The following RPTOR variants were observed in gnomAD, a reference collection of about 807,000 sequenced individuals.
RPTOR encodes regulatory associated protein of MTOR complex 1.
RPTOR carries 21 observed loss-of-function variants against 169.9 expected under a neutral mutation model. The ratio of observed to expected loss-of-function variants is 0.12; its 90% CI spans 0.09 to 0.18. The LOEUF (loss-of-function observed/expected upper bound fraction) is 0.18, where lower values mean the gene tolerates loss of function less well. Ranked by LOEUF, RPTOR falls within the 10% of genes least tolerant of loss-of-function variation. RPTOR has a pLI of 1.00. For synonymous variants in RPTOR, 732 were observed against 753.2 expected (o/e 0.97, Z 0.46); for missense variants, 1,133 against 1,855.9 (o/e 0.61, Z 7.16).
chr17:80,602,397 A>G (rs1184523390), intron 1 of RPTOR, among the ~76,000 whole-genome samples: 1 of 45,548 alleles, frequency 2.2e-5, no homozygotes, highest in African/African-American at 1.5e-4. Flanking sequence ...TCCCTCCCGG[A>G]CGGGGCGGCT....
chr17:80,852,399 T>A lies in RPTOR; in HGVS notation c.1315-3065T>A, dbSNP rs1176543589. ...ACCTGAGTTCCAGGCAGCAGTGGCA[T>A]GCGACAGCCCCCGAGTTAAGCATAG... On this transcript the variant is annotated intron_variant, in intron 11 of 33. Transcript: ENST00000306801. 2.6e-5 allele frequency among the ~76,000 whole-genome samples: 4 copies of A among 152,076 alleles called. No individual in the cohort carries two copies. In the East Asian group the frequency reaches 7.7e-4, roughly 29 times the overall value.
chr17:80,614,810 G>C (rs114300030), intron 1 of RPTOR, among the ~76,000 whole-genome samples: 189 of 152,308 alleles, frequency 1.2e-3, no homozygotes, highest in African/African-American at 4.4e-3. Flanking sequence ...TTATTGTAGT[G>C]CTCGCTTTGC....
chr17:80,902,742 G>A (rs547681845), intron 20 of RPTOR, among the ~76,000 whole-genome samples: 1 of 152,354 alleles, frequency 6.6e-6, no homozygotes, highest in East Asian at 1.9e-4. Context: ...AGACACCCAT[G>A]CATGTGGCCC....
intron 9 of RPTOR, among the ~76,000 whole-genome samples, chr17:80,837,398 GC>G (rs2067576279): frequency 6.6e-6 from 1 of 152,160 alleles, no homozygotes; most frequent in Non-Finnish European, 1.5e-5. Context: ...CACCATCACA[GC>G]GCAGAGCTCA....
intron 6 of RPTOR, among the ~76,000 whole-genome samples, chr17:80,760,464 G>A (rs992276476): frequency 2.6e-5 from 4 of 151,914 alleles, no homozygotes; most frequent in African/African-American, 7.3e-5. Flanking sequence ...ACCACGCCTG[G>A]CTAATTTTTG....
chr17:80,709,210 A>G (rs1314856084), intron 4 of RPTOR: 1 of 465,588 alleles, frequency 2.1e-6, no homozygotes, highest in Non-Finnish European at 2.8e-6. Flanking sequence ...TTCGTTAAAT[A>G]TTGAGTAAAT....
At chr17:80,955,766 T>C (rs1443311873) in intron 28 of RPTOR, among the ~76,000 whole-genome samples, 3 of 151,908 alleles carry the variant, frequency 2.0e-5, no homozygotes, top group African/African-American at 4.8e-5. Context: ...TGGTCACCCA[T>C]TTGGGGAATG....
At chr17:80,943,436 C>T (rs1228997896) in intron 25 of RPTOR, among the ~76,000 whole-genome samples, 1 of 152,138 alleles carries the variant, frequency 6.6e-6, no homozygotes, top group Non-Finnish European at 1.5e-5. Context: ...AAGGAAAAAA[C>T]GGGAAACAGG....
At position 80,964,347 on chromosome 17, in the gene RPTOR, C is replaced by T. The variant is rs774850903; in HGVS notation, c.*17C>T. 4 of 1,604,150 alleles carry T rather than the reference C, an allele frequency of 2.5e-6. No homozygotes were observed. The East Asian group carries it at 6.7e-5, about 27-fold the overall frequency. On this transcript the variant is annotated 3_prime_UTR_variant, in exon 34 of 34. Transcript: ENST00000306801. ...GTCAGATAGCGGCGTGACCCGGGCC[C>T]ACCAGGCCACGGCCGCCTGCTGTAC...
intron 1 of RPTOR, among the ~76,000 whole-genome samples, chr17:80,571,719 C>T (rs1490217990): frequency 1.3e-5 from 2 of 152,172 alleles, no homozygotes; most frequent in African/African-American, 4.8e-5. Context: ...CAGGGCTTCA[C>T]CGTGTTGTCC....
intron 3 of RPTOR, among the ~76,000 whole-genome samples, chr17:80,648,786 G>A (rs1233316425): frequency 1.3e-5 from 2 of 151,964 alleles, no homozygotes; most frequent in Non-Finnish European, 2.9e-5. Context: ...ATCTTGAATT[G>A]TCACTCCCAC....
chr17:80,924,967 C>T (rs1011884969), intron 23 of RPTOR, among the ~76,000 whole-genome samples: 1 of 152,250 alleles, frequency 6.6e-6, no homozygotes, highest in Non-Finnish European at 1.5e-5. Flanking sequence ...CATGGGAGTC[C>T]CCGCTCTCAG....
At chr17:80,753,159 C>A (rs567958350) in intron 5 of RPTOR, among the ~76,000 whole-genome samples, 1 of 152,178 alleles carries the variant, frequency 6.6e-6, no homozygotes. Context: ...CCTAATCCCC[C>A]ACTCGGGGAT....
intron 25 of RPTOR, among the ~76,000 whole-genome samples, chr17:80,945,018 C>G (rs1416590566): frequency 6.6e-6 from 1 of 150,708 alleles, no homozygotes; most frequent in Non-Finnish European, 1.5e-5. Flanking sequence ...AGACTGGCTA[C>G]TGGCTGGGCG....
At chr17:80,660,270 CAAA>C (rs35167825) in intron 3 of RPTOR, among the ~76,000 whole-genome samples, 2,860 of 103,056 alleles carry the variant, frequency 0.028, 83 homozygotes, top group African/African-American at 0.082. Flanking sequence ...GACTGTGTCT[CAAA>C]AAAAAAAAAA....
intron 20 of RPTOR, among the ~76,000 whole-genome samples, chr17:80,896,482 GGCCGCACCGACACACC>G (rs2068404949): frequency 1.6e-5 from 2 of 123,566 alleles, no homozygotes; most frequent in African/African-American, 3.4e-5. Flanking sequence ...CACATCCCAC[GGCCGCACCGACACACC>G]CCACGGCCGC....
Position 80,923,530 on chromosome 17 carries a change from A to T in RPTOR, c.2665A>T (p.Thr889Ser), listed in dbSNP as rs2143981049. The T allele has an allele frequency of 5.0e-6, 8 of 1,613,332 alleles. No individual in the cohort carries two copies. Among genetic ancestry groups the T allele is most frequent in the Non-Finnish European group, 6.8e-6 (8 of 1,179,980 alleles). The change falls in exon 23 of 34, where the codon ACC becomes TCC. Residue 889 changes from threonine to serine, a missense_variant. By Grantham distance (58) the Thr-to-Ser change is moderately conservative. Transcript: ENST00000306801. Reference protein sequence around the residue: ...PASSTSSSSLTNDVAKQPVSR... With the variant: ...PASSTSSSSLSNDVAKQPVSR... The stretch of plus-strand genomic sequence containing the variant: ...GTCCAGCACCAGCAGCTCCAGCCTG[A>T]CCAACGATGTGGCCAAGCAGCCGGT...
At chr17:80,804,368 A>G (rs2067196025) in intron 7 of RPTOR, 1 of 152,270 alleles carries the variant, frequency 6.6e-6, no homozygotes, top group African/African-American at 2.4e-5. Context: ...AAACAGATTT[A>G]GTGTGGCTGC....
chr17:80,662,254 T>C (rs1321014071), intron 3 of RPTOR, among the ~76,000 whole-genome samples: 1 of 152,168 alleles, frequency 6.6e-6, no homozygotes, highest in Non-Finnish European at 1.5e-5. Flanking sequence ...GAGGCTAGTT[T>C]TGCCCATGGA....
Sources: gnomAD v4.1 joint callset for allele counts (sites outside exome capture counted in the v4.1 genomes callset) on GRCh38, gnomAD v4.1.1 for gene constraint, MANE v1.5 for transcripts, NCBI Gene and HGNC (gene_info 2026-07-23, HGNC 2026-07-21) for gene names.